CBLN2: variants seen among roughly 807,000 people sequenced by gnomAD.
CBLN2 encodes cerebellin-2.
In CBLN2, 7 loss-of-function variants were observed where a neutral mutation model predicts 15.0. That is an observed-to-expected ratio of 0.47 (90% CI 0.27 to 0.88). The LOEUF (loss-of-function observed/expected upper bound fraction) is 0.88. Among genes scored for constraint, CBLN2 ranks in the 40% least tolerant of loss-of-function variants. CBLN2 has a pLI of 0.14. For synonymous variants in CBLN2, 149 were observed against 135.2 expected (o/e 1.10, Z -0.71); for missense variants, 242 against 304.5 (o/e 0.79, Z 1.53).
intron 1 of CBLN2, among the ~76,000 whole-genome samples, chr18:72,637,488 G>A (rs56010018): frequency 0.13 from 19,932 of 152,188 alleles, 1,386 homozygotes; most frequent in Middle Eastern, 0.16. Flanking sequence ...TGGGCACAGA[G>A]GCTGGCGTGA....
intron 1 of CBLN2, among the ~76,000 whole-genome samples, chr18:72,576,810 A>G (rs1196867487): frequency 6.6e-6 from 1 of 151,136 alleles, no homozygotes; most frequent in Non-Finnish European, 1.5e-5. Flanking sequence ...ACAAAACTCC[A>G]TATGTAAAAA....
intron 1 of CBLN2, among the ~76,000 whole-genome samples, chr18:72,612,941 G>C (rs932736442): frequency 2.0e-5 from 3 of 152,182 alleles, no homozygotes; most frequent in African/African-American, 7.2e-5. Context: ...CTGTCAGTAG[G>C]GTTGGTTCTT....
In CBLN2 at chr18:72,607,654, AC is replaced by A. The variant is rs534366176; in HGVS notation, c.15+30670del. Among the ~76,000 whole-genome samples the A allele has an allele frequency of 3.8e-3, 567 of 150,614 alleles. 4 individuals are homozygous for A. Among genetic ancestry groups the A allele is most frequent in the Middle Eastern group, 0.014 (4 of 294 alleles). On this transcript the variant is annotated intron_variant, in intron 1 of 2. Transcript: ENST00000581073. Reference sequence around the variant, plus strand: ...CCAAACTGAAGCGCTAGCCAAAATAACATTTATAGGAGCTATGTAGATACCT... The same window carrying A: ...CCAAACTGAAGCGCTAGCCAAAATAAATTTATAGGAGCTATGTAGATACCT...
At chr18:72,625,702 A>G (rs1030113883) in intron 1 of CBLN2, among the ~76,000 whole-genome samples, 2 of 24,492 alleles carry the variant, frequency 8.2e-5, no homozygotes, top group African/African-American at 1.6e-4. Context: ...GTATTACTAT[A>G]TATATATATA....
intron 1 of CBLN2, among the ~76,000 whole-genome samples, chr18:72,629,074 T>C (rs1348342700): frequency 2.0e-5 from 3 of 152,164 alleles, no homozygotes; most frequent in Non-Finnish European, 2.9e-5. Flanking sequence ...TTTACCTTAC[T>C]AAACTAAGCT....
chr18:72,581,360 G>T (rs1011524281), intron 1 of CBLN2, among the ~76,000 whole-genome samples: 4 of 152,128 alleles, frequency 2.6e-5, no homozygotes, highest in Non-Finnish European at 5.9e-5. Context: ...CAATATATGA[G>T]AATTTTATGA....
intron 1 of CBLN2, among the ~76,000 whole-genome samples, chr18:72,626,040 C>G (rs940162650): frequency 1.3e-5 from 2 of 151,656 alleles, no homozygotes; most frequent in Non-Finnish European, 2.9e-5. Flanking sequence ...GCCTTGTGGT[C>G]CAGTGAGAGC....
At chr18:72,618,183 T>C (rs2069675593) in intron 1 of CBLN2, 1 of 181,512 alleles carries the variant, frequency 5.5e-6, no homozygotes, top group Admixed American at 5.7e-5. Context: ...TTCCTTTCTA[T>C]GAGATCTCTT....
chr18:72,560,783 C>T (rs544713456), intron 1 of CBLN2, among the ~76,000 whole-genome samples: 40 of 152,108 alleles, frequency 2.6e-4, no homozygotes, highest in Middle Eastern at 3.4e-3. Flanking sequence ...CCGAGGTGGG[C>T]GGATCACGAG....
intron 1 of CBLN2, among the ~76,000 whole-genome samples, chr18:72,614,162 T>C (rs961214176): frequency 6.6e-6 from 1 of 152,206 alleles, no homozygotes. Flanking sequence ...ACAGATAAAG[T>C]GGTACCTTTA....
chr18:72,603,893 CT>C (rs1204427961), intron 1 of CBLN2, among the ~76,000 whole-genome samples: 1 of 152,182 alleles, frequency 6.6e-6, no homozygotes, highest in East Asian at 1.9e-4. Flanking sequence ...AAAATGGCCT[CT>C]GGAACTCACT....
chr18:72,602,430 T>A (rs534894923), intron 1 of CBLN2, among the ~76,000 whole-genome samples: 35 of 152,258 alleles, frequency 2.3e-4, no homozygotes, highest in African/African-American at 6.7e-4. Context: ...CTTTCTTCTG[T>A]CAACATTCTT....
rs1334951326 is a variant in CBLN2 at position 72,542,095 on chromosome 18, C to T, written c.66G>A (p.Leu22=). 6.7e-7 allele frequency: 1 copy of T among 1,487,370 alleles called. No homozygotes were observed. Among genetic ancestry groups the T allele is most frequent in the Non-Finnish European group, 8.8e-7 (1 of 1,130,116 alleles). The allele number at this position is 1,487,370 out of a possible 1,614,324, so 92.1% of individuals were successfully genotyped here. Residue 22 remains leucine (L), a synonymous_variant, in exon 3 of 5, where the codon CTG becomes CTA. Coordinates refer to ENST00000269503, the MANE Select transcript of CBLN2 (RefSeq NM_182511.4). ...AGGATCCGCAGCCGCCCGGCTCGCG[C>T]AGCGCCCCCCGGCGCCCGGGCATCA... ...RLMMPGRRGA[L]REPGGCGSCL...
intron 1 of CBLN2, among the ~76,000 whole-genome samples, chr18:72,585,532 C>T (rs745692644): frequency 9.9e-5 from 15 of 152,164 alleles, no homozygotes; most frequent in South Asian, 6.2e-4. Context: ...TGGCTGAGTC[C>T]GGTGTTTTTA....
chr18:72,629,108 G>A (rs575369786), intron 1 of CBLN2, among the ~76,000 whole-genome samples: 82 of 152,196 alleles, frequency 5.4e-4, no homozygotes, highest in African/African-American at 1.8e-3. Flanking sequence ...ACAAAGAAGC[G>A]AGGACTTCCC....
intron 1 of CBLN2, chr18:72,618,991 G>T: frequency 1.3e-6 from 1 of 766,980 alleles, no homozygotes; most frequent in Non-Finnish European, 2.3e-6. Flanking sequence ...CAGCGGGGAT[G>T]GTCATCATGG....
intron 1 of CBLN2, among the ~76,000 whole-genome samples, chr18:72,572,147 C>T (rs1043307138): frequency 5.9e-5 from 9 of 152,118 alleles, no homozygotes; most frequent in Non-Finnish European, 2.9e-5. Flanking sequence ...GTCATTCCTC[C>T]CCATCTTCTG....
In CBLN2 at chr18:72,542,167, T is replaced by G. The variant is rs2069119685; in HGVS notation, c.-7A>C. The G allele has an allele frequency of 5.7e-6, 7 of 1,225,872 alleles. No individual in the cohort carries two copies. Among genetic ancestry groups the G allele is most frequent in the Admixed American group, 8.7e-5 (2 of 23,112 alleles). 75.9% of individuals were successfully genotyped at this position (1,225,872 alleles called of 1,614,324 possible). On this transcript the variant is annotated 5_prime_UTR_variant, in exon 3 of 5. Transcript: ENST00000269503. ...CCCGGCCGGGCGCCTGCATCGGGAC[T>G]GGTGGGAGGCGGCGCGCGGGGGTGG...
In CBLN2 at chr18:72,543,742, C is replaced by T. The variant is rs991052783; in HGVS notation, c.-211-212G>A. The stretch of plus-strand genomic sequence containing the variant: ...CCGCGTCTCGCCCGGCTCAGCGCCC[C>T]GCGCTGTGCGCCCAGGTGCCTCCAA... On this transcript the variant is annotated intron_variant, in intron 1 of 4. Transcript: ENST00000269503. This position sits in a 1 kb window ranked among gnomAD's most constrained non-coding sequence, Gnocchi z 6.8. Among the ~76,000 whole-genome samples the T allele has an allele frequency of 5.3e-5, 8 of 151,834 alleles. No homozygotes were observed. The highest frequency in any genetic ancestry group is 8.8e-5 in the Non-Finnish European group (6 of 67,938).
Sources: gnomAD v4.1 joint callset for allele counts (sites outside exome capture counted in the v4.1 genomes callset) on GRCh38, gnomAD v4.1.1 for gene constraint, Gnocchi (gnomAD v3.1) non-coding constraint, MANE v1.5 for transcripts, NCBI Gene and HGNC (gene_info 2026-07-23, HGNC 2026-07-21) for gene names.